The following KLF7 variants were observed in gnomAD, a reference collection of about 807,000 sequenced individuals.
KLF7 encodes KLF transcription factor 7.
In KLF7, 2 loss-of-function variants were observed where a neutral mutation model predicts 27.3. The observed-to-expected ratio is 0.07, with a 90% CI of 0.03 to 0.23. The LOEUF (loss-of-function observed/expected upper bound fraction) is 0.23, where lower values mean the gene tolerates loss of function less well. Ranked by LOEUF, KLF7 falls within the 10% of genes least tolerant of loss-of-function variation. KLF7 has a pLI of 1.00. For synonymous variants in KLF7, 165 were observed against 162.4 expected (o/e 1.02, Z -0.12); for missense variants, 221 against 394.1 (o/e 0.56, Z 3.72).
intron 1 of KLF7, among the ~76,000 whole-genome samples, chr2:207,145,859 G>T (rs2078083568): frequency 6.6e-6 from 1 of 152,166 alleles, no homozygotes; most frequent in Admixed American, 6.5e-5. Flanking sequence ...GGAAGAAAGA[G>T]ATAAGGAATG....
intron 2 of KLF7, among the ~76,000 whole-genome samples, chr2:207,117,249 T>G (rs1320638835): frequency 1.3e-5 from 2 of 152,234 alleles, no homozygotes; most frequent in Admixed American, 1.3e-4. Context: ...CATTAATTTA[T>G]CTTCATAAAT....
intron 2 of KLF7, among the ~76,000 whole-genome samples, chr2:207,089,042 T>C (rs1458210108): frequency 6.6e-6 from 1 of 152,202 alleles, no homozygotes; most frequent in Non-Finnish European, 1.5e-5. Flanking sequence ...CTCCCTCCCC[T>C]TCCCTCCTAC....
At chr2:207,095,656 G>C (rs1263481564) in intron 2 of KLF7, among the ~76,000 whole-genome samples, 1 of 152,046 alleles carries the variant, frequency 6.6e-6, no homozygotes, top group African/African-American at 2.4e-5. Context: ...TTAAAATTCA[G>C]ATTAAAAAAT....
rs553773271 is a variant in KLF7 at position 207,086,805 on chromosome 2, A to C, written c.857+1653T>G. On this transcript the variant is annotated intron_variant, in intron 3 of 3. Coordinates refer to ENST00000309446, the MANE Select transcript of KLF7 (RefSeq NM_003709.4). ...AATTACGGCTACCCATAATGCTCAC[A>C]ATCTCCAAGTAACAGCCTCCACACC... 2.6e-5 allele frequency among the ~76,000 whole-genome samples: 4 copies of C among 152,324 alleles called. No individual in the cohort carries two copies. The East Asian group carries it at 7.7e-4, about 29-fold the overall frequency.
Position 207,124,146 on chromosome 2 carries a change from T to C in KLF7, c.361A>G (p.Ser121Gly). Residue 121 changes from serine (S) to glycine (G), a missense_variant, in exon 2 of 4, where the codon AGC becomes GGC. By Grantham distance (56) the Ser-to-Gly change is moderately conservative (BLOSUM62 0). This residue lies in a region of KLF7 where 180 missense variants were observed against 227.9 expected (regional missense o/e 0.79). Coordinates refer to ENST00000309446, the MANE Select transcript of KLF7 (RefSeq NM_003709.4). ...SLQPASSSLD[S>G]YTAVNQAQLN... ...TGGGCCTGGTTGACGGCTGTGTAGC[T>C]GTCTAGAGAAGAGCTGGCCGGCTGG... The C allele has an allele frequency of 2.5e-6, 4 of 1,614,178 alleles. No individual in the cohort carries two copies. Among genetic ancestry groups the C allele is most frequent in the Non-Finnish European group, 2.5e-6 (3 of 1,180,024 alleles).
chr2:207,097,448 G>A (rs1055248914), intron 2 of KLF7, among the ~76,000 whole-genome samples: 2 of 152,188 alleles, frequency 1.3e-5, no homozygotes, highest in Non-Finnish European at 2.9e-5. Context: ...AAGCCAGAGA[G>A]AGATGTGGAA....
upstream of KLF7, among the ~76,000 whole-genome samples, chr2:207,169,825 A>C (rs922183431): frequency 2.0e-5 from 3 of 152,144 alleles, no homozygotes; most frequent in African/African-American, 7.2e-5. Flanking sequence ...ACTGTGCCCA[A>C]ATAAGACATA....
At chr2:207,106,425 A>T (rs573032129) in intron 2 of KLF7, among the ~76,000 whole-genome samples, 1 of 152,330 alleles carries the variant, frequency 6.6e-6, no homozygotes, top group African/African-American at 2.4e-5. Context: ...CAAATGTAAA[A>T]CATATTTAGA....
At position 207,152,272 on chromosome 2, in the gene KLF7, TACACACACACACACAC is replaced by T. The variant is rs67380335; in HGVS notation, c.102+13179_102+13194del. On this transcript the variant is annotated intron_variant, in intron 1 of 3. Coordinates refer to ENST00000309446, the MANE Select transcript of KLF7 (RefSeq NM_003709.4). ...CTAAGAACTGGTTACATGTTTTTCT[TACACACACACACACAC>T]ACACACACACACACACACACACGGA... 1.4e-4 allele frequency among the ~76,000 whole-genome samples: 21 copies of T among 150,580 alleles called. 1 individual carries two copies. The highest frequency in any genetic ancestry group is 4.9e-4 in the African/African-American group (20 of 40,690).
rs1033529877 is a variant in KLF7 at position 207,075,347 on chromosome 2, A to T, written c.*5866T>A. The T allele has an allele frequency of 2.7e-5, 4 of 147,942 alleles. No homozygotes were observed. The highest frequency in any genetic ancestry group is 6.0e-5 in the Non-Finnish European group (4 of 67,004). 9.2% of individuals were successfully genotyped at this position (147,942 alleles called of 1,614,324 possible). On this transcript the variant is annotated 3_prime_UTR_variant, in exon 4 of 4. Transcript: ENST00000309446. ...AAAAACTTGACAAAGTAATATATTT[A>T]TATATATATATATATAAAAAGCTTA...
At position 207,152,432 on chromosome 2, in the gene KLF7, T is replaced by A. The variant is rs141085410; in HGVS notation, c.102+13035A>T. Among the ~76,000 whole-genome samples, 505 of 152,300 alleles carry A rather than the reference T, an allele frequency of 3.3e-3. 1 individual carries two copies. The highest frequency in any genetic ancestry group is 0.012 in the African/African-American group (483 of 41,570). On this transcript the variant is annotated intron_variant, in intron 1 of 3. Transcript: ENST00000309446. ...GAAAAAAAAATTGTTTGGTATTGTC[T>A]CATTTTACTCCCACTTAGACCAAGA...
At chr2:207,146,706 T>C (rs560323266) in intron 1 of KLF7, among the ~76,000 whole-genome samples, 4 of 152,056 alleles carry the variant, frequency 2.6e-5, no homozygotes, top group South Asian at 4.2e-4. Context: ...AGTGGTAGCA[T>C]TGGAAGAAAA....
At chr2:207,166,934 C>G (rs540042468), upstream of KLF7, 14 of 941,452 alleles carry the variant, frequency 1.5e-5, no homozygotes, top group African/African-American at 1.2e-4. Flanking sequence ...CGCCCCGCCC[C>G]GCGGGCGCCG....
At chr2:207,144,441 A>T (rs1380142129) in intron 1 of KLF7, among the ~76,000 whole-genome samples, 1 of 152,180 alleles carries the variant, frequency 6.6e-6, no homozygotes, top group Non-Finnish European at 1.5e-5. Flanking sequence ...AGAACGAAAT[A>T]ATAGCTCTAC....
intron 3 of KLF7, among the ~76,000 whole-genome samples, chr2:207,083,569 G>A (rs145491533): frequency 1.3e-5 from 2 of 152,192 alleles, no homozygotes; most frequent in Admixed American, 1.3e-4. Context: ...ACCACATTGA[G>A]GAGAAGAGAG....
At chr2:207,111,126 C>T in intron 2 of KLF7, among the ~76,000 whole-genome samples, 1 of 152,188 alleles carries the variant, frequency 6.6e-6, no homozygotes, top group South Asian at 2.1e-4. Flanking sequence ...TGGTTGAGAA[C>T]CACCACATTA....
At chr2:207,140,862 G>T (rs934817550) in intron 1 of KLF7, among the ~76,000 whole-genome samples, 5 of 152,116 alleles carry the variant, frequency 3.3e-5, no homozygotes, top group African/African-American at 1.2e-4. Context: ...ATTGTAAAGG[G>T]TACCTGATCC....
intron 2 of KLF7, among the ~76,000 whole-genome samples, chr2:207,089,954 T>C (rs2076474457): frequency 6.6e-6 from 1 of 152,170 alleles, no homozygotes; most frequent in Non-Finnish European, 1.5e-5. Context: ...GAAGGAGACA[T>C]TACCCAGGTA....
intron 2 of KLF7, among the ~76,000 whole-genome samples, chr2:207,102,003 C>T (rs907173468): frequency 2.0e-5 from 3 of 152,038 alleles, no homozygotes; most frequent in Admixed American, 6.6e-5. Context: ...ATTGGTCCAT[C>T]TCCATACCTT....
Sources: gnomAD v4.1 joint callset for allele counts (sites outside exome capture counted in the v4.1 genomes callset) on GRCh38, gnomAD v4.1.1 for gene constraint, gnomAD v4.1.1 regional missense constraint, MANE v1.5 for transcripts, NCBI Gene and HGNC (gene_info 2026-07-23, HGNC 2026-07-21) for gene names.